The following PDE8A variants were observed in gnomAD, a reference collection of about 807,000 sequenced individuals.
The protein encoded by PDE8A is phosphodiesterase 8A.
In PDE8A, 59 loss-of-function variants were observed where a neutral mutation model predicts 105.0. That is an observed-to-expected ratio of 0.56 (90% confidence interval 0.46 to 0.70). The LOEUF is 0.70. Ranked by LOEUF, PDE8A falls within the 30% of genes least tolerant of loss-of-function variation. PDE8A has a pLI of 0.00. For missense variants in PDE8A, 1,014 were observed against 1,045.9 expected (o/e 0.97, Z 0.42); for synonymous variants, 355 against 371.9 (o/e 0.95, Z 0.52).
chr15:84,995,494 T>A (rs28599761), intron 1 of PDE8A, among the ~76,000 whole-genome samples: 2 of 151,954 alleles, frequency 1.3e-5, no homozygotes, highest in Non-Finnish European at 2.9e-5. Context: ...ATTAAAAAAA[T>A]TTTTTTTGTA....
intron 11 of PDE8A, among the ~76,000 whole-genome samples, chr15:85,107,176 G>A (rs544777493): frequency 4.6e-5 from 7 of 152,296 alleles, no homozygotes; most frequent in African/African-American, 1.2e-4. Flanking sequence ...GTAACCAGGC[G>A]AAGAAGGTGG....
chr15:85,053,013 T>G (rs1047779423), intron 1 of PDE8A, among the ~76,000 whole-genome samples: 4 of 152,164 alleles, frequency 2.6e-5, no homozygotes, highest in South Asian at 2.1e-4. Flanking sequence ...TGTAAGGAAG[T>G]GATCCAGTTT....
At chr15:85,017,859 C>G in intron 1 of PDE8A, among the ~76,000 whole-genome samples, 1 of 124,438 alleles carries the variant, frequency 8.0e-6, no homozygotes, top group East Asian at 2.1e-4. Context: ...TGCACTCCAG[C>G]CTGAGCAACA....
intron 20 of PDE8A, among the ~76,000 whole-genome samples, chr15:85,130,030 T>G (rs2082309026): frequency 6.6e-6 from 1 of 152,230 alleles, no homozygotes; most frequent in Non-Finnish European, 1.5e-5. Flanking sequence ...CTCATGGTTC[T>G]GCAGGCTGTG....
At chr15:85,065,453 G>A (rs1327316017) in intron 2 of PDE8A, among the ~76,000 whole-genome samples, 1 of 148,052 alleles carries the variant, frequency 6.8e-6, no homozygotes, top group African/African-American at 2.5e-5. Flanking sequence ...TGCACAATGT[G>A]CACATGTACC....
chr15:85,064,385 G>A lies in PDE8A; in HGVS notation c.202G>A (p.Val68Met). The change falls in exon 2 of 22, where the codon GTG (valine) becomes ATG (methionine). Residue 68 changes from valine to methionine, a missense_variant. By Grantham distance (21) the Val-to-Met change is conservative. Coordinates refer to ENST00000394553, the MANE Select transcript of PDE8A (RefSeq NM_002605.3). Reference sequence around the variant, plus strand: ...TTTCTTACAGGTAGCAGTAGCTGATGTGCAGTTTGGCCCCATGAGATTTCA... The same window carrying A: ...TTTCTTACAGGTAGCAGTAGCTGATATGCAGTTTGGCCCCATGAGATTTCA... ...GSGKKVAVADVQFGPMRFHQD... is the reference protein window; with the variant it reads ...GSGKKVAVADMQFGPMRFHQD... The A allele has an allele frequency of 6.2e-7, 1 of 1,609,378 alleles. No individual in the cohort carries two copies. The highest frequency in any genetic ancestry group is 8.5e-7 in the Non-Finnish European group (1 of 1,176,034).
At chr15:85,101,259 C>A (rs2081857767) in intron 11 of PDE8A, among the ~76,000 whole-genome samples, 1 of 152,112 alleles carries the variant, frequency 6.6e-6, no homozygotes, top group African/African-American at 2.4e-5. Context: ...GAGATTTAGT[C>A]TGAAAAGAGA....
At position 85,137,804 on chromosome 15, in the gene PDE8A, A is replaced by T; in HGVS notation, c.2391A>T (p.Val797=). Residue 797 remains valine (V), a synonymous_variant, in exon 22 of 22, where the codon GTA becomes GTT. Coordinates refer to ENST00000394553, the MANE Select transcript of PDE8A (RefSeq NM_002605.3). Reference sequence around the variant, plus strand: ...TCCTATCTTTCTCTCCAGCCTTTGTAGACCTGCCTGATTTAATGCAGCATC... The same window carrying T: ...TCCTATCTTTCTCTCCAGCCTTTGTTGACCTGCCTGATTTAATGCAGCATC... ...TDMFDAWDAF[V]DLPDLMQHLD... is the part of the protein sequence containing the mutation. 1 of 1,604,378 alleles carries T rather than the reference A, an allele frequency of 6.2e-7. No individual in the cohort carries two copies. Among genetic ancestry groups the T allele is most frequent in the Admixed American group, 1.7e-5 (1 of 60,016 alleles).
At chr15:85,036,849 C>T (rs2080714862) in intron 1 of PDE8A, among the ~76,000 whole-genome samples, 1 of 152,086 alleles carries the variant, frequency 6.6e-6, no homozygotes, top group African/African-American at 2.4e-5. Context: ...GAGAAGTCGT[C>T]TTCTAACAGC....
intron 1 of PDE8A, among the ~76,000 whole-genome samples, chr15:85,013,459 G>A (rs2080272946): frequency 1.3e-5 from 2 of 152,250 alleles, no homozygotes; most frequent in East Asian, 3.9e-4. Flanking sequence ...AGGTAGAAAA[G>A]CAACAAATTT....
intron 1 of PDE8A, among the ~76,000 whole-genome samples, chr15:84,984,852 G>A (rs2079776423): frequency 6.6e-6 from 1 of 152,040 alleles, no homozygotes; most frequent in Non-Finnish European, 1.5e-5. Context: ...GCTCAATGGA[G>A]CATTTCAGAG....
At position 85,100,189 on chromosome 15, in the gene PDE8A, A is replaced by G; in HGVS notation, c.1027A>G (p.Thr343Ala). ...AATATCCGAATGTGTTCAGTCTGAC[A>G]CTCATACAGGTACGGTGCCCCGTAT... is the stretch of plus-strand genomic sequence containing the variant. ...EKISECVQSDTHTDNQTGKHK... is the reference protein window; with the variant it reads ...EKISECVQSDAHTDNQTGKHK... The change falls in exon 11 of 22, where the codon ACT (threonine) becomes GCT (alanine). Residue 343 changes from threonine to alanine, a missense_variant. By Grantham distance (58) the Thr-to-Ala change is moderately conservative. Coordinates refer to ENST00000394553, the MANE Select transcript of PDE8A (RefSeq NM_002605.3). 6.2e-7 allele frequency: 1 copy of G among 1,613,364 alleles called. No individual in the cohort carries two copies. Among genetic ancestry groups the G allele is most frequent in the Admixed American group, 1.7e-5 (1 of 60,016 alleles).
chr15:85,128,147 T>C (rs931756714), intron 20 of PDE8A, among the ~76,000 whole-genome samples: 1 of 152,008 alleles, frequency 6.6e-6, no homozygotes, highest in African/African-American at 2.4e-5. Flanking sequence ...ATAAAGCTTT[T>C]AGAGAGAAAC....
chr15:85,016,147 A>T (rs1447763647), intron 1 of PDE8A, among the ~76,000 whole-genome samples: 1 of 152,208 alleles, frequency 6.6e-6, no homozygotes, highest in African/African-American at 2.4e-5. Context: ...CTCAAAATAA[A>T]TAAATAAATA....
Position 85,137,907 on chromosome 15 carries a change from G to A in PDE8A, c.*4G>A. 3 of 1,545,006 alleles carry A rather than the reference G, an allele frequency of 1.9e-6. No homozygotes were observed. Among genetic ancestry groups the A allele is most frequent in the Non-Finnish European group, 2.7e-6 (3 of 1,117,000 alleles). ...CCTCCGACCACCTCCTGAATAGTGGGAGACACCACCCAGAGCCCTGAAGCT... is the reference window on the plus strand; with the variant it reads ...CCTCCGACCACCTCCTGAATAGTGGAAGACACCACCCAGAGCCCTGAAGCT... On this transcript the variant is annotated 3_prime_UTR_variant, in exon 22 of 22. Coordinates refer to ENST00000394553, the MANE Select transcript of PDE8A (RefSeq NM_002605.3).
At chr15:85,054,277 C>T (rs1433278165) in intron 1 of PDE8A, among the ~76,000 whole-genome samples, 1 of 152,086 alleles carries the variant, frequency 6.6e-6, no homozygotes, top group Admixed American at 6.6e-5. Context: ...GTCTAAAATT[C>T]TCTTTTTTTT....
At chr15:85,029,341 C>A (rs1596456823) in intron 1 of PDE8A, among the ~76,000 whole-genome samples, 2 of 151,402 alleles carry the variant, frequency 1.3e-5, no homozygotes, top group African/African-American at 4.9e-5. Flanking sequence ...ACATCTCTTT[C>A]CTGTTTTCAA....
intron 5 of PDE8A, among the ~76,000 whole-genome samples, chr15:85,082,940 T>G (rs2081490564): frequency 6.6e-6 from 1 of 152,252 alleles, no homozygotes; most frequent in South Asian, 2.1e-4. Context: ...TACAAAATAC[T>G]TAATGTCCAC....
At chr15:85,095,215 A>C (rs1454031353) in intron 8 of PDE8A, among the ~76,000 whole-genome samples, 1 of 152,106 alleles carries the variant, frequency 6.6e-6, no homozygotes, top group East Asian at 1.9e-4. Flanking sequence ...CCTGCACCCA[A>C]ACCAGCTCAT....
Sources: allele counts gnomAD v4.1 joint callset (sites outside exome capture counted in the v4.1 genomes callset), GRCh38; gene constraint gnomAD v4.1.1; transcripts MANE v1.5; gene names NCBI Gene and HGNC (gene_info 2026-07-23, HGNC 2026-07-21).